The following ZNF362 variants were observed in gnomAD, a reference collection of about 807,000 sequenced individuals.
The protein encoded by ZNF362 is rotund homolog.
Under a neutral mutation model 42.9 loss-of-function variants are expected in ZNF362, and 11 were observed. The observed-to-expected ratio is 0.26, with a 90% CI of 0.16 to 0.42. The LOEUF (loss-of-function observed/expected upper bound fraction) is 0.42, where lower values mean the gene tolerates loss of function less well. Ranked by LOEUF, ZNF362 falls within the 20% of genes least tolerant of loss-of-function variation. ZNF362 has a pLI of 1.00. For synonymous variants in ZNF362, 255 were observed against 257.3 expected (o/e 0.99, Z 0.09); for missense variants, 362 against 576.2 (o/e 0.63, Z 3.81).
rs920055647 is a variant in ZNF362 at position 33,294,162 on chromosome 1, C to T, written c.909-775C>T. 6.6e-6 allele frequency among the ~76,000 whole-genome samples: 1 copy of T among 152,184 alleles called. No homozygotes were observed. The highest frequency in any genetic ancestry group is 1.5e-5 in the Non-Finnish European group (1 of 68,048). ...TGAATGAATAACGATAACTGGCAAA[C>T]GTTGAGTGCTTACTTTGTACCAACA... is the stretch of plus-strand genomic sequence containing the variant. On this transcript the variant is annotated intron_variant, in intron 6 of 8. Transcript: ENST00000539719. This position sits in a 1 kb window ranked among gnomAD's most constrained non-coding sequence, Gnocchi z 4.2.
chr1:33,153,355 C>A, the ZNF362 span, among the ~76,000 whole-genome samples: 1 of 152,228 alleles, frequency 6.6e-6, no homozygotes, highest in South Asian at 2.1e-4. Context: ...CTGTTCCTCC[C>A]TCAGCTCCTC....
chr1:33,239,702 G>C, the ZNF362 span, among the ~76,000 whole-genome samples: 1 of 152,092 alleles, frequency 6.6e-6, no homozygotes, highest in Non-Finnish European at 1.5e-5. Context: ...CAGCATGGGG[G>C]AACCGCCCCC....
At chr1:33,231,000 A>G in the ZNF362 span, among the ~76,000 whole-genome samples, 1 of 152,298 alleles carries the variant, frequency 6.6e-6, no homozygotes, top group Admixed American at 6.5e-5. Flanking sequence ...ACCCAACCAC[A>G]TTTTCACATT....
chr1:33,189,689 A>G, the ZNF362 span, among the ~76,000 whole-genome samples: 1 of 47,770 alleles, frequency 2.1e-5, no homozygotes, highest in African/African-American at 8.0e-5. Flanking sequence ...ATATACGTAT[A>G]TATATATACA....
the ZNF362 span, among the ~76,000 whole-genome samples, chr1:33,223,757 G>A: frequency 3.3e-5 from 5 of 152,082 alleles, no homozygotes; most frequent in South Asian, 2.1e-4. Context: ...GCTGGACATC[G>A]TGGCATGCAT....
At chr1:33,198,330 A>T in the ZNF362 span, among the ~76,000 whole-genome samples, 1 of 152,174 alleles carries the variant, frequency 6.6e-6, no homozygotes, top group Non-Finnish European at 1.5e-5. Context: ...ACACAGTGAG[A>T]TGCTATCTCT....
At chr1:33,264,811 A>C (rs183761231) in intron 1 of ZNF362, among the ~76,000 whole-genome samples, 41 of 152,132 alleles carry the variant, frequency 2.7e-4, no homozygotes, top group East Asian at 1.8e-3. Context: ...CCTGACCCCA[A>C]ACAAAGAAGT....
chr1:33,246,546 C>T, the ZNF362 span, among the ~76,000 whole-genome samples: 3 of 152,178 alleles, frequency 2.0e-5, no homozygotes, highest in Admixed American at 2.0e-4. Flanking sequence ...AGGACTGGGT[C>T]CCCAGTTCAG....
chr1:33,175,434 G>A, the ZNF362 span, among the ~76,000 whole-genome samples: 1 of 152,196 alleles, frequency 6.6e-6, no homozygotes, highest in African/African-American at 2.4e-5. Context: ...ATGGAGGTCA[G>A]GAAGGTAAAT....
At chr1:33,171,550 T>C in the ZNF362 span, among the ~76,000 whole-genome samples, 1 of 152,158 alleles carries the variant, frequency 6.6e-6, no homozygotes, top group Non-Finnish European at 1.5e-5. Context: ...AATTTCTGAG[T>C]ACCCAATGAG....
chr1:33,190,771 C>A, the ZNF362 span, among the ~76,000 whole-genome samples: 1 of 152,314 alleles, frequency 6.6e-6, no homozygotes, highest in African/African-American at 2.4e-5. Flanking sequence ...TCCAGCATTG[C>A]CAGTTGCTCC....
chr1:33,253,852 A>G (rs1033772613), upstream of ZNF362, among the ~76,000 whole-genome samples: 1 of 152,184 alleles, frequency 6.6e-6, no homozygotes, highest in Non-Finnish European at 1.5e-5. Context: ...AAAATTAATT[A>G]ATGCCTTAAT....
At chr1:33,137,387 C>T in the ZNF362 span, among the ~76,000 whole-genome samples, 1 of 152,044 alleles carries the variant, frequency 6.6e-6, no homozygotes, top group Non-Finnish European at 1.5e-5. Flanking sequence ...AGAGGACAGC[C>T]CATAATAATT....
the ZNF362 span, among the ~76,000 whole-genome samples, chr1:33,239,177 C>T: frequency 6.6e-6 from 1 of 152,152 alleles, no homozygotes; most frequent in Non-Finnish European, 1.5e-5. Context: ...AGTATTTATA[C>T]TGGACAGACA....
the ZNF362 span, among the ~76,000 whole-genome samples, chr1:33,200,960 A>G: frequency 6.6e-6 from 1 of 152,230 alleles, no homozygotes; most frequent in Non-Finnish European, 1.5e-5. Flanking sequence ...GTGAAGACAC[A>G]GGGAGAAGAC....
the ZNF362 span, among the ~76,000 whole-genome samples, chr1:33,153,090 T>G: frequency 6.6e-6 from 1 of 151,684 alleles, no homozygotes; most frequent in African/African-American, 2.4e-5. Context: ...GAGTGACAGG[T>G]GCTGGATGGG....
In ZNF362 at chr1:33,280,251, G is replaced by A. The variant is rs200855447; in HGVS notation, c.477G>A (p.Ser159=). The A allele has an allele frequency of 3.7e-6, 6 of 1,613,804 alleles. No homozygotes were observed. The East Asian group carries it at 8.9e-5, about 24-fold the overall frequency. Residue 159 remains serine (S), a synonymous_variant, in exon 5 of 9, where the codon TCG becomes TCA. Transcript: ENST00000539719. This position sits in a 1 kb window ranked among gnomAD's most constrained non-coding sequence, Gnocchi z 5.6. Reference sequence around the variant, plus strand: ...CCAGCCAGAGCCGCCTCATCGCCTCGTCCCCCACCCTCATCTCAGGGATCA... The same window carrying A: ...CCAGCCAGAGCCGCCTCATCGCCTCATCCCCCACCCTCATCTCAGGGATCA... ...TTTSQSRLIA[S]SPTLISGITS... is the part of the protein sequence containing the mutation.
chr1:33,199,062 T>G, the ZNF362 span, among the ~76,000 whole-genome samples: 1 of 152,136 alleles, frequency 6.6e-6, no homozygotes. Flanking sequence ...CAGCCTAACA[T>G]ATGTATATTT....
Position 33,294,818 on chromosome 1 carries a change from TG to T in ZNF362, c.909-115del. Reference sequence around the variant, plus strand: ...CTTGCCTGGGCTCACTCTTGGTCCTTGGGGAGCATGGGCAGGGTAGGGACCG... The same window carrying T: ...CTTGCCTGGGCTCACTCTTGGTCCTTGGGAGCATGGGCAGGGTAGGGACCG... On this transcript the variant is annotated intron_variant, in intron 6 of 8. Coordinates refer to ENST00000539719, the MANE Select transcript of ZNF362 (RefSeq NM_152493.3). The surrounding 1 kb of genome is among the most constrained non-coding windows in gnomAD (Gnocchi z 4.2). 9.2e-7 allele frequency: 1 copy of T among 1,088,668 alleles called. No individual in the cohort carries two copies. Among genetic ancestry groups the T allele is most frequent in the Admixed American group, 2.1e-5 (1 of 48,396 alleles). The allele number at this position is 1,088,668 out of a possible 1,614,324, so 67.4% of individuals were successfully genotyped here.
Sources: gnomAD v4.1 joint callset for allele counts (sites outside exome capture counted in the v4.1 genomes callset) on GRCh38, gnomAD v4.1.1 for gene constraint, Gnocchi (gnomAD v3.1) non-coding constraint, MANE v1.5 for transcripts, NCBI Gene and HGNC (gene_info 2026-07-23, HGNC 2026-07-21) for gene names.